The following ZC3H14 variants were observed in gnomAD, a reference collection of about 807,000 sequenced individuals.
ZC3H14 encodes the protein zinc finger CCCH-type containing 14, also known as zinc finger CCCH domain-containing protein 14.
Under a neutral mutation model 92.4 loss-of-function variants are expected in ZC3H14, and 31 were observed. The ratio of observed to expected loss-of-function variants is 0.34; its 90% confidence interval spans 0.25 to 0.45. The LOEUF is 0.45. Ranked by LOEUF, ZC3H14 falls within the 20% of genes least tolerant of loss-of-function variation. ZC3H14 has a pLI of 1.00. For missense variants in ZC3H14, 781 were observed against 897.3 expected, an observed-to-expected ratio of 0.87 and a Z score of 1.66; for synonymous variants, 321 against 300.9, an observed-to-expected ratio of 1.07 and a Z score of -0.69.
Position 88,611,017 on chromosome 14 carries a change from C to T in ZC3H14, c.2204+77C>T, listed in dbSNP as rs570329904. The T allele has an allele frequency of 2.8e-6, 4 of 1,410,880 alleles. No individual in the cohort carries two copies. The South Asian group carries it at 3.6e-5, about 13-fold the overall frequency. 87.4% of individuals were successfully genotyped at this position (1,410,880 alleles called of 1,614,324 possible). On this transcript the variant is annotated intron_variant, in intron 16 of 16. Transcript: ENST00000251038. ...TTTGCAGTTTCTAAATTTATAAGCACACAAAATTGGAAACTAGACTGTTAC... is the reference window on the plus strand; with the variant it reads ...TTTGCAGTTTCTAAATTTATAAGCATACAAAATTGGAAACTAGACTGTTAC...
Position 88,622,494 on chromosome 14 carries a change from T to C in ZC3H14, c.*10743T>C, listed in dbSNP as rs1397366955. Reference sequence around the variant, plus strand: ...AGAGTAATGTTGGCAAGCAAATCCATCGTTATGCATTATTAAGTATTGTTC... The same window carrying C: ...AGAGTAATGTTGGCAAGCAAATCCACCGTTATGCATTATTAAGTATTGTTC... On this transcript the variant is annotated 3_prime_UTR_variant, in exon 17 of 17. Transcript: ENST00000251038. 10 of 827,004 alleles carry C rather than the reference T, an allele frequency of 1.2e-5. No homozygotes were observed. The highest frequency in any genetic ancestry group is 1.0e-5 in the Non-Finnish European group (6 of 576,530). 51.2% of individuals were successfully genotyped at this position (827,004 alleles called of 1,614,324 possible).
chr14:88,563,546 A>C, intron 1 of ZC3H14, 105 bp from the exon 2 acceptor site: 1 of 1,576,844 alleles, frequency 6.3e-7, no homozygotes, highest in East Asian at 2.2e-5. Context: ...CGCCCGGGGG[A>C]TCCGAGGTGC....
At chr14:88,572,292 T>C in intron 5 of ZC3H14, 67 bp downstream of exon 5, 1 of 1,554,302 alleles carries the variant, frequency 6.4e-7, no homozygotes, top group Non-Finnish European at 8.8e-7. Flanking sequence ...TATTAGTTTT[T>C]ATATCTTTCA....
At chr14:88,594,514 A>G (rs2083545714) in intron 9 of ZC3H14, 1 of 1,404,284 alleles carries the variant, frequency 7.1e-7, no homozygotes, top group Non-Finnish European at 9.2e-7. Flanking sequence ...GCTTTTTCAC[A>G]TTTAGTTTTG....
chr14:88,618,481 G>T lies in ZC3H14; in HGVS notation c.*6730G>T. The T allele has an allele frequency of 9.3e-7, 1 of 1,078,974 alleles. No individual in the cohort carries two copies. 66.8% of individuals were successfully genotyped at this position (1,078,974 alleles called of 1,614,324 possible). A position where few individuals can be genotyped will look rare whatever the true frequency, so the allele number is the denominator to read the frequency against. On this transcript the variant is annotated 3_prime_UTR_variant, in exon 17 of 17. Coordinates refer to ENST00000251038, the MANE Select transcript of ZC3H14 (RefSeq NM_024824.5). ...AGATCACTACAAAAACTTAATAGGAGAAAAGCTCTGATAAGTGGGGGAGGA... is the reference window on the plus strand; with the variant it reads ...AGATCACTACAAAAACTTAATAGGATAAAAGCTCTGATAAGTGGGGGAGGA...
chr14:88,578,011 G>C lies in ZC3H14; in HGVS notation c.1150G>C (p.Ala384Pro). The C allele has an allele frequency of 1.9e-6, 3 of 1,614,046 alleles. No individual in the cohort carries two copies. Among genetic ancestry groups the C allele is most frequent in the Non-Finnish European group, 2.5e-6 (3 of 1,180,020 alleles). ...TCCACAGAAACAGACACTTCCAGTT[G>C]CTCCCAGAACTCGAACTTCTCAAGA... ...TVPQKQTLPV[A>P]PRTRTSQEEL... Residue 384 changes from alanine to proline, a missense_variant, in exon 9 of 17, where the codon GCT (alanine) becomes CCT (proline). This residue lies in a region of ZC3H14 where 454 missense variants were observed against 438.5 expected (regional missense o/e 1.04). Transcript: ENST00000251038.
At chr14:88,567,162 C>G (rs1323485069) in intron 2 of ZC3H14, among the ~76,000 whole-genome samples, 1 of 145,946 alleles carries the variant, frequency 6.9e-6, no homozygotes, top group African/African-American at 2.5e-5. Flanking sequence ...GTTGCCCAGG[C>G]TGGAGTGCAG....
In ZC3H14 at chr14:88,616,493, T is replaced by C. The variant is rs2087640134; in HGVS notation, c.*4742T>C. ...GCATTTGAAATTTGATAACTGATTA[T>C]AGGTTTGGTGAAAAGCTAATTACAG... is the stretch of plus-strand genomic sequence containing the variant. On this transcript the variant is annotated 3_prime_UTR_variant, in exon 17 of 17. Coordinates refer to ENST00000251038, the MANE Select transcript of ZC3H14 (RefSeq NM_024824.5). 1.7e-6 allele frequency: 1 copy of C among 603,908 alleles called. No individual in the cohort carries two copies. Among genetic ancestry groups the C allele is most frequent in the Non-Finnish European group, 2.9e-6 (1 of 349,726 alleles). 37.4% of individuals were successfully genotyped at this position (603,908 alleles called of 1,614,324 possible).
At position 88,572,828 on chromosome 14, in the gene ZC3H14, C is replaced by T. The variant is rs772511425; in HGVS notation, c.682C>T (p.His228Tyr). The change falls in exon 6 of 17, where the codon CAT becomes TAT. Residue 228 changes from histidine to tyrosine, a missense_variant. Around this residue, in one of 3 missense-constraint regions of ZC3H14, gnomAD observed 454 missense variants for 438.5 expected, o/e 1.04. Coordinates refer to ENST00000251038, the MANE Select transcript of ZC3H14 (RefSeq NM_024824.5). ...PASRNADSGV[H>Y]LNRLQFQQQQ... is the part of the protein sequence containing the mutation. The stretch of plus-strand genomic sequence containing the variant: ...AAGTAGAAATGCAGATAGTGGTGTT[C>T]ATTTAAACAGGTTGCAATTTCAACA... The T allele has an allele frequency of 1.2e-6, 2 of 1,614,156 alleles. No individual in the cohort carries two copies. Among genetic ancestry groups the T allele is most frequent in the Non-Finnish European group, 1.7e-6 (2 of 1,180,038 alleles).
In ZC3H14 at chr14:88,612,978, C is replaced by CT. The variant is rs923335212; in HGVS notation, c.*1228dup. On this transcript the variant is annotated 3_prime_UTR_variant, in exon 17 of 17. Coordinates refer to ENST00000251038, the MANE Select transcript of ZC3H14 (RefSeq NM_024824.5). ...ACATTCTCAGGACCAAATTAAACTGCTAAAAAAAAAAAAAAAGTTCATTGA... is the reference window on the plus strand; with the variant it reads ...ACATTCTCAGGACCAAATTAAACTGCTTAAAAAAAAAAAAAAAGTTCATTGA... The CT allele has an allele frequency of 4.4e-5, 5 of 113,590 alleles. No homozygotes were observed. Among genetic ancestry groups the CT allele is most frequent in the African/African-American group, 1.6e-4 (5 of 30,928 alleles). 7.0% of individuals were successfully genotyped at this position (113,590 alleles called of 1,614,324 possible). A position where few individuals can be genotyped will look rare whatever the true frequency, so the allele number is the denominator to read the frequency against.
rs1273967395 is a variant in ZC3H14, at chr14:88,618,737, G to A, written c.*6986G>A. 17 of 1,607,386 alleles carry A rather than the reference G, an allele frequency of 1.1e-5. No individual in the cohort carries two copies. Among genetic ancestry groups the A allele is most frequent in the South Asian group, 8.9e-5 (8 of 89,754 alleles). On this transcript the variant is annotated 3_prime_UTR_variant, in exon 17 of 17. Transcript: ENST00000251038. ...AGTAGCTGATTCTGTTAAGAGTGGG[G>A]CCCAGCGTTAGGTCATAAAAATCCA...
In ZC3H14 at chr14:88,610,891, A is replaced by G. The variant is rs762281801; in HGVS notation, c.2155A>G (p.Ile719Val). The G allele has an allele frequency of 6.8e-6, 11 of 1,614,068 alleles. No homozygotes were observed. The African/African-American group carries it at 9.3e-5, about 14-fold the overall frequency. ...RPDCTFYHPT[I>V]NVPPRHALKW... The stretch of plus-strand genomic sequence containing the variant: ...GGACTGCACATTCTACCATCCCACC[A>G]TTAATGTCCCACCACGACATGCCTT... The change falls in exon 16 of 17, where the codon ATT becomes GTT. Residue 719 changes from isoleucine (I) to valine (V), a missense_variant. Physicochemically the swap from Ile to Val is conservative, Grantham distance 29. This residue lies in a region of ZC3H14 where 221 missense variants were observed against 304.7 expected (regional missense o/e 0.73). Coordinates refer to ENST00000251038, the MANE Select transcript of ZC3H14 (RefSeq NM_024824.5).
At chr14:88,575,378 A>G (rs770035183) in intron 7 of ZC3H14, among the ~76,000 whole-genome samples, 5 of 152,146 alleles carry the variant, frequency 3.3e-5, no homozygotes, top group Non-Finnish European at 5.9e-5. Flanking sequence ...ACATCAATTA[A>G]GATTCAGATT....
At chr14:88,600,784 G>A (rs796092185) in intron 10 of ZC3H14, among the ~76,000 whole-genome samples, 13 of 152,152 alleles carry the variant, frequency 8.5e-5, no homozygotes, top group African/African-American at 2.6e-4. Context: ...GACCAGAATC[G>A]AGAGTCACTG....
chr14:88,598,088 C>T (rs768463504), intron 10 of ZC3H14, among the ~76,000 whole-genome samples: 1 of 152,152 alleles, frequency 6.6e-6, no homozygotes, highest in Non-Finnish European at 1.5e-5. Context: ...CTTGTTTTCT[C>T]TAAGTGGTCT....
intron 13 of ZC3H14, 37 bp from the exon 14 acceptor site, chr14:88,609,230 G>A: frequency 1.9e-6 from 3 of 1,613,062 alleles, no homozygotes; most frequent in Non-Finnish European, 2.5e-6. Flanking sequence ...GCATTGAGAA[G>A]ATTGAATATG....
intron 9 of ZC3H14, among the ~76,000 whole-genome samples, chr14:88,592,899 TA>T (rs932510442): frequency 2.6e-5 from 4 of 152,084 alleles, no homozygotes; most frequent in African/African-American, 9.7e-5. Context: ...TAAACCAAAG[TA>T]AAAACGTCCT....
chr14:88,574,802 G>C lies in ZC3H14; in HGVS notation c.971G>C (p.Arg324Pro). ...EEEEDDDYGS[R>P]TGSISSSVSV... Reference sequence around the variant, plus strand: ...GAAGAAGATGATGATTACGGGTCTCGAACAGGAAGCATCTCCAGCAGTGTG... The same window carrying C: ...GAAGAAGATGATGATTACGGGTCTCCAACAGGAAGCATCTCCAGCAGTGTG... Residue 324 changes from arginine (R) to proline (P), a missense_variant, in exon 7 of 17, where the codon CGA becomes CCA. By Grantham distance (103) the Arg-to-Pro change is moderately radical (BLOSUM62 -2). Coordinates refer to ENST00000251038, the MANE Select transcript of ZC3H14 (RefSeq NM_024824.5). 1.9e-6 allele frequency: 3 copies of C among 1,614,134 alleles called. No homozygotes were observed. Among genetic ancestry groups the C allele is most frequent in the Non-Finnish European group, 2.5e-6 (3 of 1,180,006 alleles).
intron 7 of ZC3H14, 74 bp downstream of exon 7, chr14:88,574,927 T>C (rs887402267): frequency 7.2e-5 from 116 of 1,604,378 alleles, no homozygotes; most frequent in Non-Finnish European, 9.5e-5. Flanking sequence ...AAGAGAATAA[T>C]CACGAAAATA....
Sources: allele counts gnomAD v4.1 joint callset (sites outside exome capture counted in the v4.1 genomes callset), GRCh38; gene constraint gnomAD v4.1.1; regional missense constraint gnomAD v4.1.1; transcripts MANE v1.5; gene names NCBI Gene and HGNC (gene_info 2026-07-23, HGNC 2026-07-21).